NCAM1: variants seen among roughly 807,000 people sequenced by gnomAD.
NCAM1 encodes the protein neural cell adhesion molecule 1, also known as antigen recognized by monoclonal antibody 5.1H11.
NCAM1 carries 14 observed loss-of-function variants against 109.8 expected under a neutral mutation model. The observed-to-expected ratio is 0.13, with a 90% confidence interval of 0.08 to 0.20. The LOEUF (loss-of-function observed/expected upper bound fraction) is 0.20, where lower values mean the gene tolerates loss of function less well. NCAM1 is among the 10% of genes least tolerant of loss of function. The pLI, the probability that NCAM1 is intolerant of heterozygous loss-of-function variation, is 1.00. For missense variants in NCAM1, 774 were observed against 1,109.9 expected (o/e 0.70, Z 4.30); for synonymous variants, 418 against 442.9 (o/e 0.94, Z 0.70).
At chr11:113,253,463 A>G (rs1375327521) in intron 15 of NCAM1, among the ~76,000 whole-genome samples, 1 of 152,180 alleles carries the variant, frequency 6.6e-6, no homozygotes, top group Non-Finnish European at 1.5e-5. Flanking sequence ...TCACATGACA[A>G]CAGAGCTGGA....
At chr11:113,028,419 TA>T (rs1952621352) in intron 1 of NCAM1, among the ~76,000 whole-genome samples, 1 of 152,208 alleles carries the variant, frequency 6.6e-6, no homozygotes, top group Non-Finnish European at 1.5e-5. Context: ...CACACCTGTA[TA>T]AAAGACATTC....
At chr11:113,140,086 G>A (rs373657469) in intron 1 of NCAM1, among the ~76,000 whole-genome samples, 29 of 152,270 alleles carry the variant, frequency 1.9e-4, no homozygotes, top group African/African-American at 6.7e-4. Flanking sequence ...TCTCCAGTAT[G>A]GGTTGCAAAA....
chr11:113,086,822 T>C (rs1939111853), intron 1 of NCAM1, among the ~76,000 whole-genome samples: 1 of 152,162 alleles, frequency 6.6e-6, no homozygotes, highest in Non-Finnish European at 1.5e-5. Flanking sequence ...AAAAAAATAA[T>C]ACTTGCAGTG....
Position 113,034,088 on chromosome 11 carries a change from T to C in NCAM1, c.52+72424T>C, listed in dbSNP as rs576773570. Among the ~76,000 whole-genome samples the C allele has an allele frequency of 3.3e-5, 5 of 152,342 alleles. No homozygotes were observed. The South Asian group carries it at 1.0e-3, about 32-fold the overall frequency. On this transcript the variant is annotated intron_variant, in intron 1 of 19. Transcript: ENST00000316851. Reference sequence around the variant, plus strand: ...TGATGAGCTGTCTTTCATTTTGTGCTGTTGACAGAAAAGGAAAATTAACCT... The same window carrying C: ...TGATGAGCTGTCTTTCATTTTGTGCCGTTGACAGAAAAGGAAAATTAACCT...
At chr11:113,242,274 A>G (rs546292100) in intron 14 of NCAM1, among the ~76,000 whole-genome samples, 19 of 152,364 alleles carry the variant, frequency 1.2e-4, no homozygotes, top group African/African-American at 4.6e-4. Flanking sequence ...GTCATTTGTC[A>G]GCAAAATCTC....
intron 8 of NCAM1, among the ~76,000 whole-genome samples, chr11:113,219,774 A>G (rs908315506): frequency 3.3e-5 from 5 of 152,246 alleles, no homozygotes; most frequent in Non-Finnish European, 7.3e-5. Flanking sequence ...GTCTCTCAAA[A>G]GAAAGATCTT....
At chr11:113,081,468 G>C (rs782498239) in intron 1 of NCAM1, among the ~76,000 whole-genome samples, 1 of 152,244 alleles carries the variant, frequency 6.6e-6, no homozygotes, top group Non-Finnish European at 1.5e-5. Flanking sequence ...AGGATGCTAC[G>C]TACAAGGCCA....
At chr11:113,235,217 G>A (rs1429278981) in intron 14 of NCAM1, 53 bp downstream of exon 14, 2 of 1,613,194 alleles carry the variant, frequency 1.2e-6, no homozygotes, top group Non-Finnish European at 1.7e-6. Flanking sequence ...TCTCCCTGGG[G>A]GCAGTGGGGA....
intron 1 of NCAM1, among the ~76,000 whole-genome samples, chr11:113,082,031 CTT>C (rs1198567810): frequency 6.6e-6 from 1 of 152,162 alleles, no homozygotes; most frequent in Non-Finnish European, 1.5e-5. Flanking sequence ...CTAATATTGT[CTT>C]TTAATGTGTA....
chr11:113,025,797 G>GAC (rs1952524834), intron 1 of NCAM1, among the ~76,000 whole-genome samples: 1 of 52,562 alleles, frequency 1.9e-5, no homozygotes, highest in African/African-American at 6.5e-5. Context: ...GAGAGAGAGA[G>GAC]AGAGAGAGAG....
At position 113,204,841 on chromosome 11, in the gene NCAM1, A is replaced by G. The variant is rs1316866071; in HGVS notation, c.346+337A>G. Among the ~76,000 whole-genome samples the G allele has an allele frequency of 2.6e-5, 4 of 152,248 alleles. No homozygotes were observed. In the East Asian group the frequency reaches 7.7e-4, roughly 29 times the overall value. ...TCTTATTTCCCTCTCCCCTGCTGGT[A>G]ATGGAGCCCAGGGCTCAGTGGGGTG... On this transcript the variant is annotated intron_variant, in intron 3 of 19. Transcript: ENST00000316851.
chr11:112,987,710 C>T (rs1951345096), intron 1 of NCAM1, among the ~76,000 whole-genome samples: 1 of 152,028 alleles, frequency 6.6e-6, no homozygotes, highest in South Asian at 2.1e-4. Flanking sequence ...ATAGCTACCC[C>T]TGCTCTCTTT....
intron 1 of NCAM1, among the ~76,000 whole-genome samples, chr11:112,976,996 G>A (rs1379691319): frequency 2.6e-5 from 4 of 151,652 alleles, no homozygotes; most frequent in African/African-American, 9.7e-5. Context: ...GATTAGAATT[G>A]TGTCGTGATA....
chr11:113,007,530 TCCCAAAACTG>T (rs1471569565), intron 1 of NCAM1, among the ~76,000 whole-genome samples: 3 of 152,276 alleles, frequency 2.0e-5, no homozygotes, highest in African/African-American at 7.2e-5. Flanking sequence ...GTGCACAAGG[TCCCAAAACTG>T]CCATATTTTA....
chr11:113,273,726 T>C lies in NCAM1; in HGVS notation c.2457-1541T>C, dbSNP rs1331075234. The C allele has an allele frequency of 8.9e-6, 4 of 448,272 alleles. No homozygotes were observed. The highest frequency in any genetic ancestry group is 6.0e-5 in the African/African-American group (3 of 49,662). 27.8% of individuals were successfully genotyped at this position (448,272 alleles called of 1,614,324 possible). On this transcript the variant is annotated intron_variant, in intron 19 of 19. Coordinates refer to ENST00000316851, the MANE Select transcript of NCAM1 (RefSeq NM_181351.5). The surrounding 1 kb of genome is among the most constrained non-coding windows in gnomAD (Gnocchi z 6.0). The stretch of plus-strand genomic sequence containing the variant: ...TCCTTCCACTGCAGACAGCTCTGTT[T>C]CGCCTGCGCCAGCAAAGACCGAGTA...
At chr11:113,222,934 A>G (rs1040716433) in intron 9 of NCAM1, among the ~76,000 whole-genome samples, 3 of 152,092 alleles carry the variant, frequency 2.0e-5, no homozygotes, top group African/African-American at 7.2e-5. Context: ...TCTCATTTGG[A>G]GATGAAGACC....
At chr11:113,031,386 C>T (rs1401909040) in intron 1 of NCAM1, among the ~76,000 whole-genome samples, 1 of 152,102 alleles carries the variant, frequency 6.6e-6, no homozygotes, top group Non-Finnish European at 1.5e-5. Flanking sequence ...ATGTGAAAGA[C>T]CTGACACTAA....
At chr11:112,984,283 A>C (rs1351548369) in intron 1 of NCAM1, among the ~76,000 whole-genome samples, 1 of 151,960 alleles carries the variant, frequency 6.6e-6, no homozygotes, top group Non-Finnish European at 1.5e-5. Flanking sequence ...TATGAGTTTT[A>C]AAATTCATCT....
At chr11:113,256,139 C>T in intron 16 of NCAM1, 138 bp downstream of exon 16, 6 of 1,136,034 alleles carry the variant, frequency 5.3e-6, no homozygotes, top group Middle Eastern at 2.9e-4. Context: ...CCCATGGGCC[C>T]TGGCCATGGC....
Sources: gnomAD v4.1 joint callset for allele counts (sites outside exome capture counted in the v4.1 genomes callset) on GRCh38, gnomAD v4.1.1 for gene constraint, Gnocchi (gnomAD v3.1) non-coding constraint, MANE v1.5 for transcripts, NCBI Gene and HGNC (gene_info 2026-07-23, HGNC 2026-07-21) for gene names.